The following PNMA8B variants were observed in gnomAD, a reference collection of about 807,000 sequenced individuals.
PNMA8B encodes paraneoplastic antigen-like protein 8B.
For missense variants in PNMA8B, 887 were observed against 885.8 expected (o/e 1.00, Z -0.02); for synonymous variants, 386 against 394.9 (o/e 0.98, Z 0.27).
Position 46,495,352 on chromosome 19 carries a change from G to A in PNMA8B, c.114C>T (p.Val38=), listed in dbSNP as rs559989087. The A allele has an allele frequency of 1.1e-5, 14 of 1,269,904 alleles. No homozygotes were observed. The South Asian group carries it at 1.5e-4, about 14-fold the overall frequency. 78.7% of individuals were successfully genotyped at this position (1,269,904 alleles called of 1,614,324 possible). A position where few individuals can be genotyped will look rare whatever the true frequency, so the allele number is the denominator to read the frequency against. ...EGLEQADVEA[V]LQPTLLPLGT... ...CCAGGGGCAGGAGGGTCGGCTGCAGGACGGCTTCGACGTCTGCCTGCTCCA... is the reference window on the plus strand; with the variant it reads ...CCAGGGGCAGGAGGGTCGGCTGCAGAACGGCTTCGACGTCTGCCTGCTCCA... Residue 38 remains valine, a synonymous_variant, in exon 1 of 1, where the codon GTC becomes GTT. Transcript: ENST00000599531.
chr19:46,494,130 C>G lies in PNMA8B; in HGVS notation c.1336G>C (p.Gly446Arg). Residue 446 changes from glycine (G) to arginine (R), a missense_variant, in exon 1 of 1, where the codon GGG (glycine) becomes CGG (arginine). Physicochemically the swap from Gly to Arg is moderately radical, Grantham distance 125. Coordinates refer to ENST00000599531, the MANE Select transcript of PNMA8B (RefSeq NM_020709.3). ...AGCGCCACCAGCTCCAGAAGACCCC[C>G]TTCGTCCTCACGGTGCTCGCTCCAG... ...GGWSEHREDEGGLLELVALLA... is the reference protein window; with the variant it reads ...GGWSEHREDERGLLELVALLA... 6.2e-7 allele frequency: 1 copy of G among 1,611,532 alleles called. No homozygotes were observed. The highest frequency in any genetic ancestry group is 8.5e-7 in the Non-Finnish European group (1 of 1,179,860).
chr19:46,494,750 G>T lies in PNMA8B; in HGVS notation c.716C>A (p.Ala239Glu), dbSNP rs1392428915. 1 of 1,613,730 alleles carries T rather than the reference G, an allele frequency of 6.2e-7. No individual in the cohort carries two copies. The highest frequency in any genetic ancestry group is 1.3e-5 in the African/African-American group (1 of 74,938). ...AAARELVRQW[A>E]PCNSEGEEDG... ...TTCTTCCCCCTCGGAGTTGCAGGGC[G>T]CCCACTGCCTAACCAGCTCCCTGGC... Residue 239 changes from alanine (A) to glutamate (E), a missense_variant, in exon 1 of 1, where the codon GCG becomes GAG. By Grantham distance (107) the Ala-to-Glu change is moderately radical (BLOSUM62 -1). Coordinates refer to ENST00000599531, the MANE Select transcript of PNMA8B (RefSeq NM_020709.3).
In PNMA8B at chr19:46,495,294, T is replaced by G. The variant is rs112661235; in HGVS notation, c.172A>C (p.Met58Leu). The G allele has an allele frequency of 7.0e-7, 1 of 1,428,698 alleles. No homozygotes were observed. Among genetic ancestry groups the G allele is most frequent in the Non-Finnish European group, 9.9e-7 (1 of 1,010,724 alleles). The allele number at this position is 1,428,698 out of a possible 1,614,324, so 88.5% of individuals were successfully genotyped here. A position where few individuals can be genotyped will look rare whatever the true frequency, so the allele number is the denominator to read the frequency against. The change falls in exon 1 of 1, where the codon ATG becomes CTG. Residue 58 changes from methionine to leucine, a missense_variant. Coordinates refer to ENST00000599531, the MANE Select transcript of PNMA8B (RefSeq NM_020709.3). Reference protein sequence around the residue: ...TFRLRHMKALMNEKAQAALVE... With the variant: ...TFRLRHMKALLNEKAQAALVE... ...AGGGCGGCCTGGGCCTTCTCGTTCATCAAAGCCTTCATGTGTCGCAACCTG... is the reference window on the plus strand; with the variant it reads ...AGGGCGGCCTGGGCCTTCTCGTTCAGCAAAGCCTTCATGTGTCGCAACCTG...
In PNMA8B at chr19:46,493,669, G is replaced by T. The variant is rs890017344; in HGVS notation, c.1797C>A (p.Ala599=). 6.5e-7 allele frequency: 1 copy of T among 1,532,450 alleles called. No individual in the cohort carries two copies. The allele number at this position is 1,532,450 out of a possible 1,614,324, so 94.9% of individuals were successfully genotyped here. A position where few individuals can be genotyped will look rare whatever the true frequency, so the allele number is the denominator to read the frequency against. The part of the protein sequence containing the change: ...GSRKKKGSAG[A]GAHARAGEAK... ...CCTCGCCTGCCCTGGCATGGGCCCCGGCGCCCGCGCTCCCCTTCTTCTTCC... is the reference window on the plus strand; with the variant it reads ...CCTCGCCTGCCCTGGCATGGGCCCCTGCGCCCGCGCTCCCCTTCTTCTTCC... The change falls in exon 1 of 1, where the codon GCC becomes GCA. Residue 599 remains alanine (A), a synonymous_variant. Transcript: ENST00000599531. This position sits in a 1 kb window ranked among gnomAD's most constrained non-coding sequence, Gnocchi z 5.3.
Position 46,493,713 on chromosome 19 carries a change from C to T in PNMA8B, c.1753G>A (p.Asp585Asn), listed in dbSNP as rs1323469523. The T allele has an allele frequency of 6.6e-7, 1 of 1,515,146 alleles. No individual in the cohort carries two copies. The highest frequency in any genetic ancestry group is 8.8e-7 in the Non-Finnish European group (1 of 1,139,962). The allele number at this position is 1,515,146 out of a possible 1,614,324, so 93.9% of individuals were successfully genotyped here. ...KKAGSRGSAQDDAAGSRKKKG... is the reference protein window; with the variant it reads ...KKAGSRGSAQNDAAGSRKKKG... ...TTCTTCCTGCTTCCTGCGGCGTCGTCCTGGGCCGAGCCCCGGCTCCCGGCT... is the reference window on the plus strand; with the variant it reads ...TTCTTCCTGCTTCCTGCGGCGTCGTTCTGGGCCGAGCCCCGGCTCCCGGCT... The change falls in exon 1 of 1, where the codon GAC becomes AAC. Residue 585 changes from aspartate (D) to asparagine (N), a missense_variant. Transcript: ENST00000599531. The surrounding 1 kb of genome is among the most constrained non-coding windows in gnomAD (Gnocchi z 5.3).
Position 46,493,569 on chromosome 19 carries a change from TA to T in PNMA8B, c.1896del (p.Lys633AsnfsTer189). ...TTCTTGGGGGGCCACTAGCGGCATT[TA>T]GGGGGCAGCCTCCGGCCCCGACGGG... ...KKARRGRRLP[P>X]KCR On this transcript the variant is annotated frameshift_variant, in exon 1 of 1. Transcript: ENST00000599531. LOFTEE classifies it high-confidence loss of function. The surrounding 1 kb of genome is among the most constrained non-coding windows in gnomAD (Gnocchi z 5.3). 7.0e-7 allele frequency: 1 copy of T among 1,425,460 alleles called. No individual in the cohort carries two copies. The highest frequency in any genetic ancestry group is 9.1e-7 in the Non-Finnish European group (1 of 1,096,218). 88.3% of individuals were successfully genotyped at this position (1,425,460 alleles called of 1,614,324 possible). A position where few individuals can be genotyped will look rare whatever the true frequency, so the allele number is the denominator to read the frequency against.
Position 46,494,186 on chromosome 19 carries a change from G to A in PNMA8B, c.1280C>T (p.Ala427Val). The A allele has an allele frequency of 1.2e-6, 2 of 1,609,514 alleles. No homozygotes were observed. The highest frequency in any genetic ancestry group is 1.1e-5 in the South Asian group (1 of 91,074). Residue 427 changes from alanine to valine, a missense_variant, in exon 1 of 1, where the codon GCG (alanine) becomes GTG (valine). By Grantham distance (64) the Ala-to-Val change is moderately conservative. Coordinates refer to ENST00000599531, the MANE Select transcript of PNMA8B (RefSeq NM_020709.3). ...TLAQPDLPPQ[A>V]KKAGRGLFGG... ...GAAGAGGCCACGCCCAGCCTTCTTC[G>A]CCTGGGGAGGGAGATCCGGCTGCGC...
Position 46,493,956 on chromosome 19 carries a change from C to G in PNMA8B, c.1510G>C (p.Glu504Gln), listed in dbSNP as rs749915322. ...RENMGSNEGS[E>Q]EASDEQSEEE... ...TCGGACTGTTCGTCCGAAGCCTCCT[C>G]CGACCCCTCGTTGGACCCCATGTTC... Residue 504 changes from glutamate to glutamine, a missense_variant, in exon 1 of 1, where the codon GAG (glutamate) becomes CAG (glutamine). By Grantham distance (29) the Glu-to-Gln change is conservative. Transcript: ENST00000599531. This position sits in a 1 kb window ranked among gnomAD's most constrained non-coding sequence, Gnocchi z 5.3. 36 of 1,612,666 alleles carry G rather than the reference C, an allele frequency of 2.2e-5. No homozygotes were observed. Among genetic ancestry groups the G allele is most frequent in the Non-Finnish European group, 3.0e-5 (35 of 1,179,494 alleles).
At position 46,492,349 on chromosome 19, in the gene PNMA8B, G is replaced by A. The variant is rs376569424; in HGVS notation, c.*1209C>T. The A allele has an allele frequency of 3.8e-4, 104 of 270,804 alleles. No homozygotes were observed. The highest frequency in any genetic ancestry group is 2.2e-3 in the African/African-American group (96 of 44,570). 16.8% of individuals were successfully genotyped at this position (270,804 alleles called of 1,614,324 possible). ...CGGGGTTGCAGGAGCTGAAGCATAC[G>A]GCACGGCACGGCACAGACTCACATA... On this transcript the variant is annotated 3_prime_UTR_variant, in exon 1 of 1. Coordinates refer to ENST00000599531, the MANE Select transcript of PNMA8B (RefSeq NM_020709.3).
chr19:46,494,868 C>T lies in PNMA8B; in HGVS notation c.598G>A (p.Glu200Lys). 1 of 1,613,022 alleles carries T rather than the reference C, an allele frequency of 6.2e-7. No individual in the cohort carries two copies. Among genetic ancestry groups the T allele is most frequent in the South Asian group, 1.1e-5 (1 of 91,086 alleles). The change falls in exon 1 of 1, where the codon GAG (glutamate) becomes AAG (lysine). Residue 200 changes from glutamate (E) to lysine (K), a missense_variant. Physicochemically the swap from Glu to Lys is moderately conservative, Grantham distance 56 (BLOSUM62 1). Transcript: ENST00000599531. ...ARSEAEDSSD[E>K]SLGIVIEEID... ...TCCTCGATCACGATGCCCAGGCTCT[C>T]GTCGGAAGAGTCCTCGGCCTCACTC...
Position 46,493,880 on chromosome 19 carries a change from G to A in PNMA8B, c.1586C>T (p.Ala529Val). The A allele has an allele frequency of 6.5e-7, 1 of 1,546,762 alleles. No homozygotes were observed. The highest frequency in any genetic ancestry group is 8.7e-7 in the Non-Finnish European group (1 of 1,148,678). Residue 529 changes from alanine (A) to valine (V), a missense_variant, in exon 1 of 1, where the codon GCA becomes GTA. Transcript: ENST00000599531. This position sits in a 1 kb window ranked among gnomAD's most constrained non-coding sequence, Gnocchi z 5.3. ...ESEASEPEDRASRKPRAKRAR... is the reference protein window; with the variant it reads ...ESEASEPEDRVSRKPRAKRAR... ...CCTCTTGGCCCGGGGCTTCCTGGAT[G>A]CCCTGTCCTCCGGCTCCGACGCCTC...
rs1433096216 is a variant in PNMA8B at position 46,494,463 on chromosome 19, T to G, written c.1003A>C (p.Ile335Leu). 4.3e-6 allele frequency: 7 copies of G among 1,614,020 alleles called. No homozygotes were observed. In the South Asian group the frequency reaches 7.7e-5, roughly 18 times the overall value. Residue 335 changes from isoleucine to leucine, a missense_variant, in exon 1 of 1, where the codon ATT (isoleucine) becomes CTT (leucine). Coordinates refer to ENST00000599531, the MANE Select transcript of PNMA8B (RefSeq NM_020709.3). ...TCCGACGGGTCGGTATAGGCCACAA[T>G]GGCCACGAACTCAGGATTATCCAAC... ...EELDNPEFVA[I>L]VAYTDPSDPW...
In PNMA8B at chr19:46,495,176, G is replaced by A. The variant is rs776264051; in HGVS notation, c.290C>T (p.Ala97Val). 1.2e-6 allele frequency: 2 copies of A among 1,613,924 alleles called. No homozygotes were observed. The highest frequency in any genetic ancestry group is 1.7e-6 in the Non-Finnish European group (2 of 1,179,832). Residue 97 changes from alanine to valine, a missense_variant, in exon 1 of 1, where the codon GCG becomes GTG. Ala to Val is a moderately conservative substitution (Grantham distance 64). Coordinates refer to ENST00000599531, the MANE Select transcript of PNMA8B (RefSeq NM_020709.3). ...GVWRVLWKDR[A>V]QDTRVLRQMR... ...CTGCCTCAGGACCCTCGTGTCCTGC[G>A]CACGGTCCTTCCACAGAACCCTCCA...
Position 46,491,927 on chromosome 19 carries a change from C to T in PNMA8B, c.*1631G>A, listed in dbSNP as rs75379368. On this transcript the variant is annotated 3_prime_UTR_variant, in exon 1 of 1. Coordinates refer to ENST00000599531, the MANE Select transcript of PNMA8B (RefSeq NM_020709.3). ...GCCTAGGACTGCTACGGGAGAAGCA[C>T]ACCTGGGGCCCTCCCCACCCACAGG... The T allele has an allele frequency of 3.0e-3, 586 of 195,340 alleles. 6 individuals carry two copies. The highest frequency in any genetic ancestry group is 0.013 in the African/African-American group (561 of 42,590). 12.1% of individuals were successfully genotyped at this position (195,340 alleles called of 1,614,324 possible). A position where few individuals can be genotyped will look rare whatever the true frequency, so the allele number is the denominator to read the frequency against.
Position 46,493,742 on chromosome 19 carries a change from T to A in PNMA8B, c.1724A>T (p.Lys575Met). 6.8e-7 allele frequency: 1 copy of A among 1,472,002 alleles called. No individual in the cohort carries two copies. Among genetic ancestry groups the A allele is most frequent in the Non-Finnish European group, 8.9e-7 (1 of 1,118,028 alleles). 91.2% of individuals were successfully genotyped at this position (1,472,002 alleles called of 1,614,324 possible). The change falls in exon 1 of 1, where the codon AAG becomes ATG. Residue 575 changes from lysine to methionine, a missense_variant. By Grantham distance (95) the Lys-to-Met change is moderately conservative. Transcript: ENST00000599531. This position sits in a 1 kb window ranked among gnomAD's most constrained non-coding sequence, Gnocchi z 5.3. ...GGCCGAGCCCCGGCTCCCGGCTTTC[T>A]TCTCGGGAGTGACGCCCCGGCCTCG... ...RGRGRGVTPE[K>M]KAGSRGSAQD...
At position 46,493,395 on chromosome 19, in the gene PNMA8B, C is replaced by G. The variant is rs763875646; in HGVS notation, c.*163G>C. The stretch of plus-strand genomic sequence containing the variant: ...CTGGCGCCCCCGGCCTGCGAGGGCC[C>G]GAGAGGGGAACGTGACGCTGGCAAA... On this transcript the variant is annotated 3_prime_UTR_variant, in exon 1 of 1. Transcript: ENST00000599531. The surrounding 1 kb of genome is among the most constrained non-coding windows in gnomAD (Gnocchi z 5.3). 3 of 448,042 alleles carry G rather than the reference C, an allele frequency of 6.7e-6. No homozygotes were observed. The highest frequency in any genetic ancestry group is 5.8e-4 in the Middle Eastern group (1 of 1,712). The allele number at this position is 448,042 out of a possible 1,614,324, so 27.8% of individuals were successfully genotyped here.
At position 46,493,010 on chromosome 19, in the gene PNMA8B, T is replaced by C. The variant is rs529561858; in HGVS notation, c.*548A>G. ...CAACCGCCTTCTATCTCTCAGACTT[T>C]CCTTTCTGGAATCATCTCTTCCCCT... On this transcript the variant is annotated 3_prime_UTR_variant, in exon 1 of 1. Transcript: ENST00000599531. This position sits in a 1 kb window ranked among gnomAD's most constrained non-coding sequence, Gnocchi z 5.3. 23 of 154,724 alleles carry C rather than the reference T, an allele frequency of 1.5e-4. No individual in the cohort carries two copies. The highest frequency in any genetic ancestry group is 4.6e-4 in the African/African-American group (19 of 41,480). The allele number at this position is 154,724 out of a possible 1,614,324, so 9.6% of individuals were successfully genotyped here.
chr19:46,491,889 C>T lies in PNMA8B; in HGVS notation c.*1669G>A, dbSNP rs1055877260. On this transcript the variant is annotated 3_prime_UTR_variant, in exon 1 of 1. Transcript: ENST00000599531. The stretch of plus-strand genomic sequence containing the variant: ...ACTGGAGGATCCAGGTGACACAGGG[C>T]ACAGGGAGAGAAGCCTAGGACTGCT... The T allele has an allele frequency of 6.9e-5, 12 of 175,028 alleles. No individual in the cohort carries two copies. The highest frequency in any genetic ancestry group is 1.2e-4 in the Non-Finnish European group (10 of 80,950). The allele number at this position is 175,028 out of a possible 1,614,324, so 10.8% of individuals were successfully genotyped here.
Position 46,493,662 on chromosome 19 carries a change from G to A in PNMA8B, c.1804C>T (p.His602Tyr). ...CCCTTGGCCTCGCCTGCCCTGGCATGGGCCCCGGCGCCCGCGCTCCCCTTC... is the reference window on the plus strand; with the variant it reads ...CCCTTGGCCTCGCCTGCCCTGGCATAGGCCCCGGCGCCCGCGCTCCCCTTC... ...KKKGSAGAGA[H>Y]ARAGEAKGQA... is the part of the protein sequence containing the mutation. The change falls in exon 1 of 1, where the codon CAT becomes TAT. Residue 602 changes from histidine (H) to tyrosine (Y), a missense_variant. By Grantham distance (83) the His-to-Tyr change is moderately conservative. Coordinates refer to ENST00000599531, the MANE Select transcript of PNMA8B (RefSeq NM_020709.3). The surrounding 1 kb of genome is among the most constrained non-coding windows in gnomAD (Gnocchi z 5.3). 1.3e-6 allele frequency: 2 copies of A among 1,533,180 alleles called. No homozygotes were observed. The highest frequency in any genetic ancestry group is 8.7e-7 in the Non-Finnish European group (1 of 1,148,822). The allele number at this position is 1,533,180 out of a possible 1,614,324, so 95.0% of individuals were successfully genotyped here. A position where few individuals can be genotyped will look rare whatever the true frequency, so the allele number is the denominator to read the frequency against.
Sources: gnomAD v4.1 joint callset for allele counts on GRCh38, gnomAD v4.1.1 for gene constraint, Gnocchi (gnomAD v3.1) non-coding constraint, MANE v1.5 for transcripts, NCBI Gene and HGNC (gene_info 2026-07-23, HGNC 2026-07-21) for gene names.